The following CEMIP2 variants were observed in gnomAD, a reference collection of about 807,000 sequenced individuals.
CEMIP2 encodes the protein cell surface hyaluronidase CEMIP2.
Under a neutral mutation model 146.9 loss-of-function variants are expected in CEMIP2, and 79 were observed. That is an observed-to-expected ratio of 0.54 (90% CI 0.45 to 0.65). CEMIP2 has a LOEUF of 0.65. Among genes scored for constraint, CEMIP2 ranks in the 30% least tolerant of loss-of-function variants. The pLI is 0.00. For synonymous variants in CEMIP2, 601 were observed against 606.3 expected, an observed-to-expected ratio of 0.99 and a Z score of 0.13; for missense variants, 1,596 against 1,696.2, an observed-to-expected ratio of 0.94 and a Z score of 1.04.
At chr9:71,703,382 C>T (rs1019979797) in intron 18 of CEMIP2, among the ~76,000 whole-genome samples, 5 of 152,256 alleles carry the variant, frequency 3.3e-5, no homozygotes, top group South Asian at 2.1e-4. Context: ...GTAATGGTAA[C>T]GGTTCAGCTC....
At position 71,706,954 on chromosome 9, in the gene CEMIP2, G is replaced by C. The variant is rs552139765; in HGVS notation, c.2986-2151C>G. Among the ~76,000 whole-genome samples the C allele has an allele frequency of 2.6e-5, 4 of 152,026 alleles. No individual in the cohort carries two copies. In the South Asian group the frequency reaches 8.3e-4, roughly 32 times the overall value. Reference sequence around the variant, plus strand: ...GCGATTCTCCTGCCTCAGTCCCCTCGAGTAGCTGGGATTACACGTGCCCAC... The same window carrying C: ...GCGATTCTCCTGCCTCAGTCCCCTCCAGTAGCTGGGATTACACGTGCCCAC... On this transcript the variant is annotated intron_variant, in intron 17 of 23. Coordinates refer to ENST00000377044, the MANE Select transcript of CEMIP2 (RefSeq NM_013390.3).
At chr9:71,693,931 C>T (rs1384346056) in intron 21 of CEMIP2, among the ~76,000 whole-genome samples, 2 of 152,128 alleles carry the variant, frequency 1.3e-5, no homozygotes, top group Non-Finnish European at 2.9e-5. Flanking sequence ...GGGATCAGTG[C>T]TGTTATAAAA....
chr9:71,699,444 C>G, intron 19 of CEMIP2: 1 of 385,734 alleles, frequency 2.6e-6, no homozygotes, highest in Middle Eastern at 3.7e-4. Flanking sequence ...TAGGGATACA[C>G]CGTCTCTTAA....
chr9:71,745,991 C>A (rs915259883), intron 3 of CEMIP2, among the ~76,000 whole-genome samples: 2 of 152,122 alleles, frequency 1.3e-5, no homozygotes, highest in African/African-American at 4.8e-5. Context: ...TGAGTGATAC[C>A]TAAGGTCTAA....
intron 2 of CEMIP2, among the ~76,000 whole-genome samples, chr9:71,749,710 A>G (rs1180325502): frequency 1.3e-5 from 2 of 152,230 alleles, no homozygotes; most frequent in South Asian, 2.1e-4. Flanking sequence ...CCTCAAAAAA[A>G]GAAAAAAAGA....
At chr9:71,757,312 G>C (rs886861542) in intron 1 of CEMIP2, among the ~76,000 whole-genome samples, 3 of 152,210 alleles carry the variant, frequency 2.0e-5, no homozygotes, top group African/African-American at 7.2e-5. Flanking sequence ...ATTCAGGCTT[G>C]TGGGAAGAGC....
intron 6 of CEMIP2, among the ~76,000 whole-genome samples, chr9:71,734,530 T>C (rs1365775240): frequency 5.3e-5 from 8 of 152,150 alleles, no homozygotes; most frequent in African/African-American, 1.9e-4. Flanking sequence ...GAAAAGACCT[T>C]GGAAAATCAA....
At chr9:71,753,908 T>C (rs1296909449) in intron 1 of CEMIP2, among the ~76,000 whole-genome samples, 2 of 152,166 alleles carry the variant, frequency 1.3e-5, no homozygotes, top group African/African-American at 4.8e-5. Context: ...CTATGGGGTA[T>C]ACAGAAAAAA....
chr9:71,703,314 T>C (rs1291380026), intron 18 of CEMIP2, among the ~76,000 whole-genome samples: 3 of 152,126 alleles, frequency 2.0e-5, no homozygotes, highest in African/African-American at 7.2e-5. Flanking sequence ...TGGGGCTTGG[T>C]TGACTGTGTG....
chr9:71,715,236 GCTTTTTTTTT>G, intron 14 of CEMIP2, 147 bp from the exon 15 acceptor site: 1 of 378,736 alleles, frequency 2.6e-6, no homozygotes, highest in Non-Finnish European at 4.2e-6. Flanking sequence ...TTCAGAAACT[GCTTTTTTTTT>G]TTTTTTTTTT....
chr9:71,704,699 G>C lies in CEMIP2; in HGVS notation c.3090C>G (p.Ala1030=), dbSNP rs1476739005. The change falls in exon 18 of 24, where the codon GCC becomes GCG. Residue 1030 remains alanine, a synonymous_variant. Coordinates refer to ENST00000377044, the MANE Select transcript of CEMIP2 (RefSeq NM_013390.3). ...TGACGACAGGCTGGTACTGTGGAAA[G>C]GCAGCCTTCTGATTAATACCTCGGA... ...MVLRGINQKA[A]FPQYQPVVML... 4 of 1,614,184 alleles carry C rather than the reference G, an allele frequency of 2.5e-6. No homozygotes were observed. The South Asian group carries it at 4.4e-5, about 18-fold the overall frequency.
intron 21 of CEMIP2, among the ~76,000 whole-genome samples, chr9:71,692,344 C>G (rs554522759): frequency 8.7e-6 from 1 of 115,140 alleles, no homozygotes; most frequent in East Asian, 2.7e-4. Flanking sequence ...CCATCTCTCT[C>G]TCTCTCTCTC....
At chr9:71,702,307 A>T (rs1279310604) in intron 18 of CEMIP2, among the ~76,000 whole-genome samples, 1 of 151,794 alleles carries the variant, frequency 6.6e-6, no homozygotes, top group African/African-American at 2.4e-5. Flanking sequence ...TTTCAAGTGA[A>T]AAAAATAACC....
Position 71,717,988 on chromosome 9 carries a change from C to T in CEMIP2, c.2359G>A (p.Ala787Thr). Residue 787 changes from alanine (A) to threonine (T), a missense_variant, in exon 13 of 24, where the codon GCT (alanine) becomes ACT (threonine). Physicochemically the swap from Ala to Thr is moderately conservative, Grantham distance 58 (BLOSUM62 0). Coordinates refer to ENST00000377044, the MANE Select transcript of CEMIP2 (RefSeq NM_013390.3). ...LIAFKNNDNG[A>T]WVRGGDIIVQ... ...ATAATATCTCCTCCTCTGACCCAAG[C>T]TCCATTATCATTATTTTTAAAAGCA... 2 of 1,612,396 alleles carry T rather than the reference C, an allele frequency of 1.2e-6. No individual in the cohort carries two copies. The highest frequency in any genetic ancestry group is 2.2e-5 in the South Asian group (2 of 90,742).
intron 12 of CEMIP2, among the ~76,000 whole-genome samples, chr9:71,720,447 T>G (rs1484750271): frequency 6.6e-6 from 1 of 152,180 alleles, no homozygotes; most frequent in Non-Finnish European, 1.5e-5. Flanking sequence ...TCTGCCATCA[T>G]GCCCAGCTAA....
At chr9:71,766,131 C>T (rs1432651226) in intron 1 of CEMIP2, among the ~76,000 whole-genome samples, 1 of 150,758 alleles carries the variant, frequency 6.6e-6, no homozygotes. Context: ...TGTAGTGGCA[C>T]GATCTCGGCT....
At chr9:71,704,496 G>C in intron 18 of CEMIP2, 99 bp downstream of exon 18, 1 of 1,262,090 alleles carries the variant, frequency 7.9e-7, no homozygotes, top group Non-Finnish European at 1.1e-6. Flanking sequence ...ATGTAAAATT[G>C]GCTTTCTTTG....
chr9:71,745,792 T>C (rs1589161494), intron 3 of CEMIP2, among the ~76,000 whole-genome samples: 2 of 152,254 alleles, frequency 1.3e-5, no homozygotes, highest in South Asian at 4.1e-4. Flanking sequence ...CTACTCACTT[T>C]AGAGGTTAAA....
chr9:71,745,274 C>G lies in CEMIP2; in HGVS notation c.778G>C (p.Glu260Gln). 6.2e-7 allele frequency: 1 copy of G among 1,614,068 alleles called. No homozygotes were observed. Among genetic ancestry groups the G allele is most frequent in the Non-Finnish European group, 8.5e-7 (1 of 1,180,006 alleles). The change falls in exon 4 of 24, where the codon GAA (glutamate) becomes CAA (glutamine). Residue 260 changes from glutamate to glutamine, a missense_variant. Glu to Gln is a conservative substitution (Grantham distance 29, BLOSUM62 2). Transcript: ENST00000377044. ...TTGAGGCCCCGGGAAAAGTCCTTTT[C>G]AAAGGTATAGGACCCAAAGGGCAAG... ...SGLPFGSYTF[E>Q]KDFSRGLNVR...
Sources: allele counts gnomAD v4.1 joint callset (sites outside exome capture counted in the v4.1 genomes callset), GRCh38; gene constraint gnomAD v4.1.1; transcripts MANE v1.5; gene names NCBI Gene and HGNC (gene_info 2026-07-23, HGNC 2026-07-21).